ZFR: variants seen among roughly 807,000 people sequenced by gnomAD.
ZFR encodes zinc finger RNA binding protein.
A neutral mutation model predicts 130.7 loss-of-function variants in ZFR; 19 were observed. The ratio of observed to expected loss-of-function variants is 0.15; its 90% CI spans 0.10 to 0.21. ZFR has a LOEUF of 0.21. Among genes scored for constraint, ZFR ranks in the 10% least tolerant of loss-of-function variants. The pLI is 1.00. For synonymous variants in ZFR, 466 were observed against 456.9 expected, an observed-to-expected ratio of 1.02 and a Z score of -0.25; for missense variants, 872 against 1,321.5, an observed-to-expected ratio of 0.66 and a Z score of 5.27.
intron 1 of ZFR, 74 bp from the exon 2 acceptor site, chr5:32,444,402 C>A (rs1754555626): frequency 1.3e-6 from 2 of 1,483,240 alleles, no homozygotes; most frequent in Admixed American, 2.1e-5. Context: ...CGAGGGAGGG[C>A]AGGGAGAGAA....
intron 5 of ZFR, among the ~76,000 whole-genome samples, chr5:32,413,487 T>C (rs1468080025): frequency 2.0e-5 from 3 of 151,902 alleles, no homozygotes; most frequent in Non-Finnish European, 4.4e-5. Context: ...TAACTTTTTT[T>C]CTCTTTCTAA....
intron 2 of ZFR, among the ~76,000 whole-genome samples, chr5:32,426,976 G>T (rs1205501348): frequency 6.7e-6 from 1 of 148,918 alleles, no homozygotes; most frequent in East Asian, 1.9e-4. Context: ...TTTTATACAT[G>T]GAAAACACTA....
chr5:32,408,749 T>C (rs367715264), intron 5 of ZFR, among the ~76,000 whole-genome samples: 3 of 152,334 alleles, frequency 2.0e-5, no homozygotes, highest in Admixed American at 6.5e-5. Context: ...CTCAACTGTT[T>C]TCTCAATTTT....
chr5:32,405,058 G>A (rs1226571700), intron 6 of ZFR, among the ~76,000 whole-genome samples: 1 of 152,130 alleles, frequency 6.6e-6, no homozygotes, highest in Non-Finnish European at 1.5e-5. Context: ...TTTAAAAACT[G>A]CCTCTTAAAA....
intron 14 of ZFR, among the ~76,000 whole-genome samples, chr5:32,386,355 A>G (rs922261415): frequency 6.6e-6 from 1 of 152,170 alleles, no homozygotes; most frequent in Non-Finnish European, 1.5e-5. Flanking sequence ...ACTATAGTAT[A>G]AATTAACTAT....
chr5:32,369,376 A>G (rs1396611413), intron 17 of ZFR, among the ~76,000 whole-genome samples: 1 of 152,236 alleles, frequency 6.6e-6, no homozygotes, highest in Non-Finnish European at 1.5e-5. Flanking sequence ...AAATACGTGA[A>G]AAGAAATGTT....
rs750914036 is a variant in ZFR at position 32,406,993 on chromosome 5, T to C, written c.813A>G (p.Ala271=). 1.9e-6 allele frequency: 3 copies of C among 1,560,872 alleles called. No individual in the cohort carries two copies. In the South Asian group the frequency reaches 3.6e-5, roughly 19 times the overall value. ...SGTSYSGYEA[A]VYSAASSYYQ... ...AGTAGGAAGATGCAGCTGAATACACTGCTGCTTCATAACCTGAATAAGACG... is the reference window on the plus strand; with the variant it reads ...AGTAGGAAGATGCAGCTGAATACACCGCTGCTTCATAACCTGAATAAGACG... The change falls in exon 6 of 20, where the codon GCA becomes GCG. Residue 271 remains alanine (A), a synonymous_variant. Coordinates refer to ENST00000265069, the MANE Select transcript of ZFR (RefSeq NM_016107.5).
At chr5:32,420,841 A>G (rs1753939926) in intron 2 of ZFR, among the ~76,000 whole-genome samples, 1 of 152,230 alleles carries the variant, frequency 6.6e-6, no homozygotes, top group Non-Finnish European at 1.5e-5. Context: ...GTTCTGTTCC[A>G]GGGTACAAAA....
Position 32,358,977 on chromosome 5 carries a change from G to T in ZFR, c.3046-3038C>A, listed in dbSNP as rs372240047. Among the ~76,000 whole-genome samples the T allele has an allele frequency of 2.2e-3, 336 of 152,174 alleles. 3 individuals are homozygous for T. The highest frequency in any genetic ancestry group is 7.4e-3 in the African/African-American group (306 of 41,508). Reference sequence around the variant, plus strand: ...GTGGCTAAGCACTTTGGGAGGTGGAGGTGGGAAGATCACTTGAGCCCAGCC... The same window carrying T: ...GTGGCTAAGCACTTTGGGAGGTGGATGTGGGAAGATCACTTGAGCCCAGCC... On this transcript the variant is annotated intron_variant, in intron 19 of 19. Transcript: ENST00000265069.
chr5:32,367,311 TG>T (rs1396540697), intron 17 of ZFR, among the ~76,000 whole-genome samples: 2 of 151,922 alleles, frequency 1.3e-5, no homozygotes, highest in Non-Finnish European at 2.9e-5. Context: ...GGCAGGTGCC[TG>T]TAATCTCAGC....
intron 2 of ZFR, among the ~76,000 whole-genome samples, chr5:32,426,680 T>A (rs930726338): frequency 4.6e-5 from 7 of 152,146 alleles, no homozygotes; most frequent in African/African-American, 1.7e-4. Flanking sequence ...GGCAGGTGGA[T>A]CACTTCAGCC....
At chr5:32,384,910 T>C (rs1753011367) in intron 15 of ZFR, among the ~76,000 whole-genome samples, 1 of 152,126 alleles carries the variant, frequency 6.6e-6, no homozygotes, top group South Asian at 2.1e-4. Context: ...AAGTGTGATA[T>C]TAGGGTCAAA....
chr5:32,355,146 T>C lies in ZFR; in HGVS notation c.*614A>G, dbSNP rs1203918315. 6.6e-6 allele frequency: 1 copy of C among 152,224 alleles called. No individual in the cohort carries two copies. Among genetic ancestry groups the C allele is most frequent in the Non-Finnish European group, 1.5e-5 (1 of 68,050 alleles). 9.4% of individuals were successfully genotyped at this position (152,224 alleles called of 1,614,324 possible). On this transcript the variant is annotated 3_prime_UTR_variant, in exon 20 of 20. Coordinates refer to ENST00000265069, the MANE Select transcript of ZFR (RefSeq NM_016107.5). ...CAGAACTCTGTCTTAATTACACCTTTATATATCACACTAGAGACAAATGCC... is the reference window on the plus strand; with the variant it reads ...CAGAACTCTGTCTTAATTACACCTTCATATATCACACTAGAGACAAATGCC...
intron 16 of ZFR, chr5:32,379,606 A>C (rs148358686): frequency 4.3e-6 from 1 of 231,458 alleles, no homozygotes; most frequent in African/African-American, 2.4e-5. Flanking sequence ...GTGCCTTTGC[A>C]TGACTGCAAA....
intron 2 of ZFR, among the ~76,000 whole-genome samples, chr5:32,428,311 G>A (rs1448898140): frequency 6.6e-6 from 1 of 152,170 alleles, no homozygotes; most frequent in Admixed American, 6.5e-5. Context: ...CTACTCAGGG[G>A]GCTGAGGCAG....
At chr5:32,373,629 A>G (rs1451003602) in intron 17 of ZFR, among the ~76,000 whole-genome samples, 1 of 152,156 alleles carries the variant, frequency 6.6e-6, no homozygotes, top group Non-Finnish European at 1.5e-5. Flanking sequence ...GTAAAATCAT[A>G]AGGTAATAAG....
Position 32,400,040 on chromosome 5 carries a change from A to T in ZFR, c.1680T>A (p.Asp560Glu). 6.2e-7 allele frequency: 1 copy of T among 1,611,146 alleles called. No homozygotes were observed. Among genetic ancestry groups the T allele is most frequent in the Non-Finnish European group, 8.5e-7 (1 of 1,178,750 alleles). Residue 560 changes from aspartate to glutamate, a missense_variant, in exon 9 of 20, where the codon GAT (aspartate) becomes GAA (glutamate). By Grantham distance (45) the Asp-to-Glu change is conservative (BLOSUM62 2). Around this residue, in one of 7 missense-constraint regions of ZFR, gnomAD observed 54 missense variants for 119.9 expected, o/e 0.45. Coordinates refer to ENST00000265069, the MANE Select transcript of ZFR (RefSeq NM_016107.5). ...CATAATCATGGCCCACTGGCTGCAC[A>T]TCACTCTGTAAAGCAGCAAGAGATG... is the stretch of plus-strand genomic sequence containing the variant. Reference protein sequence around the residue: ...TPASLAALQSDVQPVGHDYVE... With the variant: ...TPASLAALQSEVQPVGHDYVE...
chr5:32,443,988 C>T (rs1294763000), intron 2 of ZFR, among the ~76,000 whole-genome samples: 1 of 151,626 alleles, frequency 6.6e-6, no homozygotes, highest in Non-Finnish European at 1.5e-5. Flanking sequence ...CACGTCCCTA[C>T]ACCTCCGCCG....
intron 15 of ZFR, among the ~76,000 whole-genome samples, chr5:32,383,106 T>C (rs896082608): frequency 6.6e-6 from 1 of 152,186 alleles, no homozygotes; most frequent in Non-Finnish European, 1.5e-5. Context: ...ATGTAAAATA[T>C]ATAACCCACT....
Sources: allele counts gnomAD v4.1 joint callset (sites outside exome capture counted in the v4.1 genomes callset), GRCh38; gene constraint gnomAD v4.1.1; regional missense constraint gnomAD v4.1.1; transcripts MANE v1.5; gene names NCBI Gene and HGNC (gene_info 2026-07-23, HGNC 2026-07-21).